Variants in COL6A6 observed in about 807,000 individuals in gnomAD.
COL6A6 encodes collagen alpha-6(VI) chain.
A neutral mutation model predicts 208.6 loss-of-function variants in COL6A6; 183 were observed. The observed-to-expected ratio is 0.88, with a 90% CI of 0.78 to 0.99. The LOEUF (loss-of-function observed/expected upper bound fraction) is 0.99, where lower values mean the gene tolerates loss of function less well. Ranked by LOEUF, COL6A6 falls within the 50% of genes least tolerant of loss-of-function variation. The probability of loss-of-function intolerance (pLI) is 0.00; values close to 1 mark genes in which losing one functional copy is unlikely to be tolerated. For missense variants in COL6A6, 2,816 were observed against 2,815.2 expected (o/e 1.00, Z -0.01); for synonymous variants, 973 against 1,011.8 (o/e 0.96, Z 0.73).
At chr3:130,546,458 C>CAAAGAACA (rs1261335669) in intron 1 of COL6A6, among the ~76,000 whole-genome samples, 1 of 152,144 alleles carries the variant, frequency 6.6e-6, no homozygotes, top group African/African-American at 2.4e-5. Context: ...AGATTTATTG[C>CAAAGAACA]AAAGAACAAA....
At chr3:130,554,006 T>C (rs1454104988) in intron 1 of COL6A6, among the ~76,000 whole-genome samples, 1 of 152,202 alleles carries the variant, frequency 6.6e-6, no homozygotes, top group Non-Finnish European at 1.5e-5. Context: ...ATGCTCTAAC[T>C]CTGTGGATCT....
intron 26 of COL6A6, among the ~76,000 whole-genome samples, chr3:130,634,377 G>C (rs1479047864): frequency 1.3e-5 from 2 of 152,114 alleles, no homozygotes; most frequent in African/African-American, 4.8e-5. Context: ...CACCTAGGTA[G>C]TTATGATATG....
rs764147617 is a variant in COL6A6 at position 130,661,940 on chromosome 3, A to T, written c.6134A>T (p.Lys2045Met). 11 of 1,614,000 alleles carry T rather than the reference A, an allele frequency of 6.8e-6. No individual in the cohort carries two copies. The highest frequency in any genetic ancestry group is 9.3e-6 in the Non-Finnish European group (11 of 1,179,866). The change falls in exon 35 of 37, where the codon AAG (lysine) becomes ATG (methionine). Residue 2045 changes from lysine (K) to methionine (M), a missense_variant. Physicochemically the swap from Lys to Met is moderately conservative, Grantham distance 95. Transcript: ENST00000358511. ...ACCTACAGAAGTAAGCGCCTCATGA[A>T]GAGGCATGTGCACGAGTCAGTTAAA... is the stretch of plus-strand genomic sequence containing the variant. ...LTTYRSKRLM[K>M]RHVHESVKQL...
intron 35 of COL6A6, among the ~76,000 whole-genome samples, chr3:130,664,414 A>C (rs1425617057): frequency 6.6e-6 from 1 of 152,148 alleles, no homozygotes; most frequent in African/African-American, 2.4e-5. Flanking sequence ...TAGCAAATCT[A>C]TTTGATTTAC....
chr3:130,604,559 A>G (rs1342258429), intron 20 of COL6A6, among the ~76,000 whole-genome samples: 3 of 151,988 alleles, frequency 2.0e-5, no homozygotes, highest in Non-Finnish European at 4.4e-5. Context: ...GTTTCTAGAG[A>G]TATTTTCATT....
chr3:130,616,207 C>T (rs1019793702), intron 23 of COL6A6, among the ~76,000 whole-genome samples: 1 of 152,078 alleles, frequency 6.6e-6, no homozygotes, highest in Non-Finnish European at 1.5e-5. Flanking sequence ...TATAAATTCC[C>T]TGCCATAGGT....
intron 8 of COL6A6, among the ~76,000 whole-genome samples, chr3:130,574,813 T>C (rs1043669553): frequency 6.6e-6 from 1 of 152,186 alleles, no homozygotes; most frequent in Admixed American, 6.5e-5. Flanking sequence ...TTGTTTGCAA[T>C]CTGGCTGGTT....
rs938142158 is a variant in COL6A6 at position 130,598,308 on chromosome 3, A to G, written c.4534-57A>G. On this transcript the variant is annotated intron_variant, in intron 18 of 36. Coordinates refer to ENST00000358511, the MANE Select transcript of COL6A6 (RefSeq NM_001102608.3). Reference sequence around the variant, plus strand: ...TAGCTAAGTGTTATACATAAGTTATATGTTTAAGGAGAAATGTCCAAATAT... The same window carrying G: ...TAGCTAAGTGTTATACATAAGTTATGTGTTTAAGGAGAAATGTCCAAATAT... 10 of 1,174,098 alleles carry G rather than the reference A, an allele frequency of 8.5e-6. No homozygotes were observed. The African/African-American group carries it at 1.4e-4, about 16-fold the overall frequency. 72.7% of individuals were successfully genotyped at this position (1,174,098 alleles called of 1,614,324 possible).
At chr3:130,640,061 G>C (rs1464014257) in intron 28 of COL6A6, among the ~76,000 whole-genome samples, 1 of 152,194 alleles carries the variant, frequency 6.6e-6, no homozygotes, top group Non-Finnish European at 1.5e-5. Context: ...GGTGGGAAAA[G>C]GGACATTCAC....
intron 1 of COL6A6, among the ~76,000 whole-genome samples, chr3:130,533,887 G>A (rs2062164266): frequency 6.6e-6 from 1 of 152,170 alleles, no homozygotes; most frequent in Admixed American, 6.5e-5. Context: ...AAGGCATGTA[G>A]ATCTAAAGTA....
chr3:130,661,552 C>A (rs1484228226), intron 34 of COL6A6, 85 bp from the exon 35 acceptor site: 4 of 1,031,702 alleles, frequency 3.9e-6, no homozygotes, highest in Non-Finnish European at 5.7e-6. Flanking sequence ...AAAGACTATG[C>A]AGTTTCCAAA....
At chr3:130,659,463 A>C (rs2065884158) in intron 34 of COL6A6, among the ~76,000 whole-genome samples, 1 of 152,224 alleles carries the variant, frequency 6.6e-6, no homozygotes, top group Non-Finnish European at 1.5e-5. Flanking sequence ...AATTCATGTA[A>C]TATCAATGAT....
chr3:130,577,886 A>G (rs776419599), intron 8 of COL6A6, among the ~76,000 whole-genome samples: 1 of 152,168 alleles, frequency 6.6e-6, no homozygotes, highest in Non-Finnish European at 1.5e-5. Flanking sequence ...TTTGTGGAGT[A>G]ATGGGGTTAA....
chr3:130,563,113 G>A lies in COL6A6; in HGVS notation c.110G>A (p.Arg37His), dbSNP rs758140095. 21 of 1,613,734 alleles carry A rather than the reference G, an allele frequency of 1.3e-5. No homozygotes were observed. The Admixed American group carries it at 1.5e-4, about 12-fold the overall frequency. Residue 37 changes from arginine to histidine, a missense_variant, in exon 3 of 37, where the codon CGC becomes CAC. Transcript: ENST00000358511. The part of the protein sequence containing the change: ...DVVFLVDSSD[R>H]LGSKSFPFVK... The stretch of plus-strand genomic sequence containing the variant: ...GTGTTTTTGGTGGACAGCTCTGATC[G>A]CCTGGGATCCAAGTCCTTCCCATTT...
In COL6A6 at chr3:130,565,294, G is replaced by A. The variant is rs1325496038; in HGVS notation, c.962G>A (p.Ser321Asn). The change falls in exon 4 of 37, where the codon AGT (serine) becomes AAT (asparagine). Residue 321 changes from serine to asparagine, a missense_variant. Physicochemically the swap from Ser to Asn is conservative, Grantham distance 46 (BLOSUM62 1). Transcript: ENST00000358511. ...AAAAAGCTCAGGAAGGAAGTTTTTA[G>A]TGCACGGAATGGCAGTCGGAAGAAT... The part of the protein sequence containing the change: ...AIKKLRKEVF[S>N]ARNGSRKNQG... The A allele has an allele frequency of 6.2e-7, 1 of 1,613,900 alleles. No individual in the cohort carries two copies. The highest frequency in any genetic ancestry group is 8.5e-7 in the Non-Finnish European group (1 of 1,179,904).
chr3:130,657,216 T>C (rs1330903533), intron 33 of COL6A6, among the ~76,000 whole-genome samples: 1 of 152,208 alleles, frequency 6.6e-6, no homozygotes, highest in African/African-American at 2.4e-5. Context: ...CAGGGTTCCA[T>C]GGAGTGTGCA....
At chr3:130,660,201 T>C (rs2065902706) in intron 34 of COL6A6, among the ~76,000 whole-genome samples, 1 of 152,236 alleles carries the variant, frequency 6.6e-6, no homozygotes, top group Admixed American at 6.5e-5. Context: ...GGCTGTTGTT[T>C]CCTGCAATTA....
intron 36 of COL6A6, among the ~76,000 whole-genome samples, chr3:130,669,908 C>G (rs1339416654): frequency 6.6e-6 from 1 of 152,202 alleles, no homozygotes; most frequent in Non-Finnish European, 1.5e-5. Flanking sequence ...AGCCACCAAC[C>G]ACAATCAAAT....
At chr3:130,644,285 A>G (rs1415874985) in intron 31 of COL6A6, among the ~76,000 whole-genome samples, 3 of 152,238 alleles carry the variant, frequency 2.0e-5, no homozygotes, top group African/African-American at 7.2e-5. Flanking sequence ...GCATTGTCCA[A>G]TAGAAGTTTC....
Sources: gnomAD v4.1 joint callset for allele counts (sites outside exome capture counted in the v4.1 genomes callset) on GRCh38, gnomAD v4.1.1 for gene constraint, MANE v1.5 for transcripts, NCBI Gene and HGNC (gene_info 2026-07-23, HGNC 2026-07-21) for gene names.